Variants in FBXO42 observed in about 807,000 individuals in gnomAD.
The protein encoded by FBXO42 is F-box only protein 42.
FBXO42 carries 12 observed loss-of-function variants against 71.7 expected under a neutral mutation model. The ratio of observed to expected loss-of-function variants is 0.17; its 90% CI spans 0.11 to 0.27. The LOEUF is 0.27. FBXO42 is among the 10% of genes least tolerant of loss of function. The pLI is 1.00. For synonymous variants in FBXO42, 325 were observed against 327.5 expected, an observed-to-expected ratio of 0.99 and a Z score of 0.08; for missense variants, 707 against 911.9, an observed-to-expected ratio of 0.78 and a Z score of 2.89.
chr1:16,281,208 CGCCTCG>C (rs1322172339), intron 4 of FBXO42, among the ~76,000 whole-genome samples: 1 of 152,128 alleles, frequency 6.6e-6, no homozygotes, highest in African/African-American at 2.4e-5. Context: ...GTGATCCGCC[CGCCTCG>C]GCCTCCCAAA....
intron 4 of FBXO42, among the ~76,000 whole-genome samples, chr1:16,275,355 T>G (rs759082244): frequency 6.6e-6 from 1 of 152,198 alleles, no homozygotes; most frequent in African/African-American, 2.4e-5. Flanking sequence ...CGATGGCTCA[T>G]GTCTGTAATC....
chr1:16,343,760 T>A (rs2082628655), intron 1 of FBXO42, among the ~76,000 whole-genome samples: 1 of 150,434 alleles, frequency 6.6e-6, no homozygotes, highest in Non-Finnish European at 1.5e-5. Context: ...GAGGTGGAGG[T>A]TGCAGTGAGC....
chr1:16,328,888 G>C (rs2082472315), intron 1 of FBXO42, among the ~76,000 whole-genome samples: 1 of 152,058 alleles, frequency 6.6e-6, no homozygotes, highest in Non-Finnish European at 1.5e-5. Context: ...GGATTGGCCG[G>C]GTGCGGTGGC....
intron 4 of FBXO42, among the ~76,000 whole-genome samples, chr1:16,265,000 G>A (rs1463795967): frequency 1.5e-4 from 23 of 152,106 alleles, no homozygotes; most frequent in Non-Finnish European, 5.9e-5. Context: ...ACAGAACCCA[G>A]GACTACATAG....
intron 1 of FBXO42, among the ~76,000 whole-genome samples, chr1:16,332,210 C>T (rs1384597146): frequency 6.6e-6 from 1 of 152,150 alleles, no homozygotes; most frequent in Non-Finnish European, 1.5e-5. Context: ...GTAATCCCCT[C>T]TTTGCCACCT....
At chr1:16,336,600 A>T (rs1295122535) in intron 1 of FBXO42, among the ~76,000 whole-genome samples, 1 of 145,660 alleles carries the variant, frequency 6.9e-6, no homozygotes, top group African/African-American at 2.5e-5. Context: ...CAAGCAATCC[A>T]CCTGCCTCGG....
chr1:16,272,418 C>T (rs1406787357), intron 4 of FBXO42, among the ~76,000 whole-genome samples: 1 of 151,966 alleles, frequency 6.6e-6, no homozygotes, highest in Non-Finnish European at 1.5e-5. Context: ...CACCACCACG[C>T]CCAGCTAATT....
chr1:16,306,023 T>C, intron 2 of FBXO42, 104 bp from the exon 3 acceptor site: 1 of 748,904 alleles, frequency 1.3e-6, no homozygotes, highest in Non-Finnish European at 2.1e-6. Flanking sequence ...TACAAGTTTC[T>C]TTTTTTTTTC....
At chr1:16,321,371 G>A (rs981059551) in intron 1 of FBXO42, among the ~76,000 whole-genome samples, 1 of 152,092 alleles carries the variant, frequency 6.6e-6, no homozygotes, top group African/African-American at 2.4e-5. Flanking sequence ...ATTCCCCCAA[G>A]GATATAGAGG....
intron 4 of FBXO42, among the ~76,000 whole-genome samples, chr1:16,273,193 A>G (rs563178322): frequency 6.6e-6 from 1 of 152,320 alleles, no homozygotes; most frequent in East Asian, 1.9e-4. Context: ...GTAACCAGCA[A>G]GTGACAGGGC....
chr1:16,268,760 T>TCAAG (rs1487940896), intron 4 of FBXO42, among the ~76,000 whole-genome samples: 1 of 151,844 alleles, frequency 6.6e-6, no homozygotes, highest in Non-Finnish European at 1.5e-5. Flanking sequence ...GGTCGAGAGT[T>TCAAG]CAAGATCAGC....
intron 1 of FBXO42, among the ~76,000 whole-genome samples, chr1:16,351,064 A>T (rs1308963983): frequency 6.6e-6 from 1 of 152,192 alleles, no homozygotes; most frequent in Non-Finnish European, 1.5e-5. Context: ...TTCAATTCTA[A>T]ATGATGGTAC....
At chr1:16,285,621 A>T (rs2082013822) in intron 4 of FBXO42, among the ~76,000 whole-genome samples, 1 of 151,548 alleles carries the variant, frequency 6.6e-6, no homozygotes, top group Non-Finnish European at 1.5e-5. Context: ...CATCTTTATC[A>T]CTCACCCCAC....
chr1:16,261,549 T>C (rs1366150340), intron 4 of FBXO42, among the ~76,000 whole-genome samples: 2 of 152,112 alleles, frequency 1.3e-5, no homozygotes, highest in African/African-American at 2.4e-5. Flanking sequence ...CTCAACTAAG[T>C]AGGGGAAAGT....
intron 3 of FBXO42, among the ~76,000 whole-genome samples, chr1:16,295,437 C>CTGGA (rs2082118575): frequency 6.6e-6 from 1 of 151,982 alleles, no homozygotes; most frequent in Non-Finnish European, 1.5e-5. Flanking sequence ...GTCAGCCAGG[C>CTGGA]TGGAGTGCAG....
Position 16,250,514 on chromosome 1 carries a change from T to G in FBXO42, c.*156A>C. On this transcript the variant is annotated 3_prime_UTR_variant, in exon 10 of 10. Transcript: ENST00000375592. This position sits in a 1 kb window ranked among gnomAD's most constrained non-coding sequence, Gnocchi z 4.7. The stretch of plus-strand genomic sequence containing the variant: ...ATTTATATATAATTTTTTTTCTTAA[T>G]GGAGATTTGATCCCAGCCTGGAGTG... 9.3e-6 allele frequency: 4 copies of G among 431,454 alleles called. No individual in the cohort carries two copies. The highest frequency in any genetic ancestry group is 4.0e-5 in the East Asian group (1 of 24,778). 26.7% of individuals were successfully genotyped at this position (431,454 alleles called of 1,614,324 possible).
At chr1:16,334,495 G>C (rs922693384) in intron 1 of FBXO42, among the ~76,000 whole-genome samples, 5 of 151,442 alleles carry the variant, frequency 3.3e-5, no homozygotes, top group African/African-American at 1.2e-4. Context: ...CTGGCACTTG[G>C]AGCAAAAGGC....
intron 4 of FBXO42, among the ~76,000 whole-genome samples, chr1:16,265,208 C>T (rs2081758204): frequency 1.3e-5 from 2 of 152,182 alleles, no homozygotes; most frequent in Non-Finnish European, 2.9e-5. Context: ...ATTCTCCTGC[C>T]TCAGCCTCCC....
intron 1 of FBXO42, among the ~76,000 whole-genome samples, chr1:16,338,354 C>CAAAAAAAAAA (rs55865669): frequency 5.5e-5 from 6 of 108,146 alleles, no homozygotes; most frequent in Admixed American, 1.1e-4. Context: ...GCCCTATCTC[C>CAAAAAAAAAA]AAAAAAAAAA....
Sources: gnomAD v4.1 joint callset for allele counts (sites outside exome capture counted in the v4.1 genomes callset) on GRCh38, gnomAD v4.1.1 for gene constraint, Gnocchi (gnomAD v3.1) non-coding constraint, MANE v1.5 for transcripts, NCBI Gene and HGNC (gene_info 2026-07-23, HGNC 2026-07-21) for gene names.